The following ABCD3 variants were observed in gnomAD, a reference collection of about 807,000 sequenced individuals.
The protein encoded by ABCD3 is ATP-binding cassette sub-family D member 3.
In ABCD3, 41 loss-of-function variants were observed where a neutral mutation model predicts 105.5. That is an observed-to-expected ratio of 0.39 (90% CI 0.30 to 0.50). The LOEUF (loss-of-function observed/expected upper bound fraction) is 0.50, where lower values mean the gene tolerates loss of function less well. ABCD3 is among the 20% of genes least tolerant of loss of function. The pLI is 0.84. For missense variants in ABCD3, 622 were observed against 806.3 expected (o/e 0.77, Z 2.77); for synonymous variants, 258 against 269.0 (o/e 0.96, Z 0.40).
At chr1:94,409,470 T>C in the ABCD3 span, among the ~76,000 whole-genome samples, 1 of 152,236 alleles carries the variant, frequency 6.6e-6, no homozygotes, top group Non-Finnish European at 1.5e-5. Flanking sequence ...TTTTATAACA[T>C]AGGCAATTGA....
At position 94,475,337 on chromosome 1, in the gene ABCD3, T is replaced by C. The variant is rs547746601; in HGVS notation, c.503+97T>C. 54 of 955,766 alleles carry C rather than the reference T, an allele frequency of 5.6e-5. No individual in the cohort carries two copies. The African/African-American group carries it at 7.8e-4, about 14-fold the overall frequency. The allele number at this position is 955,766 out of a possible 1,614,324, so 59.2% of individuals were successfully genotyped here. ...AGTTTTTCTTATTTATTGTATGTTT[T>C]CTAAGAAAACCACTCTTAGGTACAG... On this transcript the variant is annotated intron_variant, in intron 6 of 22. Coordinates refer to ENST00000370214, the MANE Select transcript of ABCD3 (RefSeq NM_002858.4).
chr1:94,489,589 A>G (rs1222804441), intron 13 of ABCD3, 136 bp from the exon 14 acceptor site: 1 of 713,366 alleles, frequency 1.4e-6, no homozygotes, highest in Non-Finnish European at 2.5e-6. Context: ...GTTATCATTA[A>G]TACTTTATGT....
At chr1:94,436,224 C>T (rs372408667) in intron 1 of ABCD3, among the ~76,000 whole-genome samples, 36 of 152,344 alleles carry the variant, frequency 2.4e-4, no homozygotes, top group African/African-American at 8.7e-4. Context: ...TTCCAATCCA[C>T]ATACAAGATT....
chr1:94,397,682 A>G, the ABCD3 span, among the ~76,000 whole-genome samples: 2 of 152,166 alleles, frequency 1.3e-5, no homozygotes, highest in Admixed American at 1.3e-4. Context: ...CTACTATAAA[A>G]TTACTATTTT....
At chr1:94,426,819 A>G (rs1354298987) in intron 1 of ABCD3, among the ~76,000 whole-genome samples, 1 of 147,314 alleles carries the variant, frequency 6.8e-6, no homozygotes. Context: ...TGCTGGGATT[A>G]CAGGTGAGAG....
At chr1:94,400,125 A>G in the ABCD3 span, among the ~76,000 whole-genome samples, 1 of 152,120 alleles carries the variant, frequency 6.6e-6, no homozygotes, top group Non-Finnish European at 1.5e-5. Context: ...ATAAAAAAGT[A>G]ATTGAAGCTG....
intron 1 of ABCD3, among the ~76,000 whole-genome samples, chr1:94,441,004 G>A (rs1019484650): frequency 6.6e-6 from 1 of 152,188 alleles, no homozygotes; most frequent in African/African-American, 2.4e-5. Context: ...ATCCATTAAA[G>A]TATACAAGTG....
At chr1:94,490,487 A>C (rs889592868) in intron 15 of ABCD3, among the ~76,000 whole-genome samples, 4 of 152,012 alleles carry the variant, frequency 2.6e-5, no homozygotes, top group Non-Finnish European at 4.4e-5. Context: ...AAGATCACAT[A>C]GTGTTTCTCT....
At chr1:94,500,746 C>G (rs1024665951) in intron 20 of ABCD3, among the ~76,000 whole-genome samples, 33 of 152,090 alleles carry the variant, frequency 2.2e-4, no homozygotes, top group African/African-American at 7.7e-4. Context: ...CATACCCACT[C>G]TACATGAGGT....
intron 16 of ABCD3, among the ~76,000 whole-genome samples, chr1:94,492,506 A>G (rs1649582365): frequency 6.6e-6 from 1 of 152,206 alleles, no homozygotes; most frequent in Non-Finnish European, 1.5e-5. Context: ...AGGAAATACA[A>G]GAAGTACAGA....
At chr1:94,485,978 G>A (rs1557682613) in intron 10 of ABCD3, among the ~76,000 whole-genome samples, 1 of 152,032 alleles carries the variant, frequency 6.6e-6, no homozygotes, top group Admixed American at 6.6e-5. Flanking sequence ...GATCAGTTGA[G>A]GTCAGGAGTT....
intron 17 of ABCD3, 32 bp downstream of exon 17, chr1:94,498,711 T>G (rs112404331): frequency 1.2e-6 from 2 of 1,613,416 alleles, no homozygotes; most frequent in Admixed American, 1.7e-5. Flanking sequence ...AATTTTGCAG[T>G]CTTATTTTGC....
At position 94,478,655 on chromosome 1, in the gene ABCD3, A is replaced by G. The variant is rs952421024; in HGVS notation, c.684+340A>G. The G allele has an allele frequency of 1.4e-5, 13 of 961,154 alleles. No individual in the cohort carries two copies. The South Asian group carries it at 2.7e-4, about 20-fold the overall frequency. The allele number at this position is 961,154 out of a possible 1,614,324, so 59.5% of individuals were successfully genotyped here. A position where few individuals can be genotyped will look rare whatever the true frequency, so the allele number is the denominator to read the frequency against. On this transcript the variant is annotated intron_variant, in intron 8 of 22. Coordinates refer to ENST00000370214, the MANE Select transcript of ABCD3 (RefSeq NM_002858.4). ...CGCTTGAATCCAGGAGTTCGAGACA[A>G]GCCTGGACAAAAAGCGAGACCCGCT...
chr1:94,456,289 TTTG>T (rs1346785179), intron 1 of ABCD3, among the ~76,000 whole-genome samples: 10 of 83,902 alleles, frequency 1.2e-4, no homozygotes, highest in South Asian at 4.5e-4. Context: ...TTTTTTTTTT[TTTG>T]GAGACGGAGT....
In ABCD3 at chr1:94,491,327, T is replaced by A. The variant is rs1193902572; in HGVS notation, c.1386+80T>A. 3 of 1,098,992 alleles carry A rather than the reference T, an allele frequency of 2.7e-6. No homozygotes were observed. The African/African-American group carries it at 4.7e-5, about 17-fold the overall frequency. The allele number at this position is 1,098,992 out of a possible 1,614,324, so 68.1% of individuals were successfully genotyped here. ...AAAAAGATTACCTGAATATTTAAAG[T>A]AACTTTAAGGCTCGACTTAGTCTCT... On this transcript the variant is annotated intron_variant, in intron 16 of 22. Coordinates refer to ENST00000370214, the MANE Select transcript of ABCD3 (RefSeq NM_002858.4).
At chr1:94,445,968 G>C (rs1660329915) in intron 1 of ABCD3, among the ~76,000 whole-genome samples, 1 of 152,136 alleles carries the variant, frequency 6.6e-6, no homozygotes, top group Non-Finnish European at 1.5e-5. Context: ...AGCAATGGCA[G>C]GACTGAGAGT....
At chr1:94,499,299 A>G (rs920461936) in intron 19 of ABCD3, among the ~76,000 whole-genome samples, 196 bp from the exon 20 acceptor site, 1 of 152,196 alleles carries the variant, frequency 6.6e-6, no homozygotes, top group African/African-American at 2.4e-5. Flanking sequence ...GCTACTAGAC[A>G]TATTTTGTCA....
Position 94,483,187 on chromosome 1 carries a change from A to G in ABCD3, c.845A>G (p.Tyr282Cys). 1 of 1,611,448 alleles carries G rather than the reference A, an allele frequency of 6.2e-7. No individual in the cohort carries two copies. Among genetic ancestry groups the G allele is most frequent in the Non-Finnish European group, 8.5e-7 (1 of 1,177,698 alleles). Residue 282 changes from tyrosine to cysteine, a missense_variant, in exon 10 of 23, where the codon TAC becomes TGC. This residue lies in a region of ABCD3 where 245 missense variants were observed against 356.4 expected (regional missense o/e 0.69). Transcript: ENST00000370214. ...TTTAATAGTGAAGAAATTGCCTTTTACAATGGGAATAAAAGAGAAAAGCAG... is the reference window on the plus strand; with the variant it reads ...TTTAATAGTGAAGAAATTGCCTTTTGCAATGGGAATAAAAGAGAAAAGCAG... ...LITNSEEIAF[Y>C]NGNKREKQTV... is the part of the protein sequence containing the mutation.
chr1:94,485,746 A>G (rs1265079862), intron 10 of ABCD3, among the ~76,000 whole-genome samples: 1 of 152,230 alleles, frequency 6.6e-6, no homozygotes, highest in Non-Finnish European at 1.5e-5. Flanking sequence ...GGATTCAACC[A>G]CACAGATTGA....
Sources: gnomAD v4.1 joint callset for allele counts (sites outside exome capture counted in the v4.1 genomes callset) on GRCh38, gnomAD v4.1.1 for gene constraint, gnomAD v4.1.1 regional missense constraint, MANE v1.5 for transcripts, NCBI Gene and HGNC (gene_info 2026-07-23, HGNC 2026-07-21) for gene names.